The following IL16 variants were observed in gnomAD, a reference collection of about 807,000 sequenced individuals.
The protein encoded by IL16 is pro-interleukin-16.
IL16 carries 67 observed loss-of-function variants against 110.1 expected under a neutral mutation model. The observed-to-expected ratio is 0.61, with a 90% CI of 0.50 to 0.75. IL16 has a LOEUF of 0.75. IL16 is among the 30% of genes least tolerant of loss of function. The pLI is 0.00. For missense variants in IL16, 1,545 were observed against 1,655.0 expected (o/e 0.93, Z 1.15); for synonymous variants, 689 against 662.9 (o/e 1.04, Z -0.61).
At chr15:81,281,162 C>A (rs1053840253) in intron 8 of IL16, among the ~76,000 whole-genome samples, 1 of 152,230 alleles carries the variant, frequency 6.6e-6, no homozygotes, top group African/African-American at 2.4e-5. Context: ...TTACCAAATT[C>A]TTCATCCATA....
At chr15:81,272,404 A>G (rs1898681398) in intron 5 of IL16, among the ~76,000 whole-genome samples, 1 of 152,064 alleles carries the variant, frequency 6.6e-6, no homozygotes. Flanking sequence ...GGCCTTCTCT[A>G]CTGCCTTCTG....
chr15:81,292,778 T>C lies in IL16; in HGVS notation c.1643T>C (p.Leu548Pro). ...DISTHSPSLP[L>P]AREPVVLSIA... The stretch of plus-strand genomic sequence containing the variant: ...AGCACACACAGCCCCAGCTTGCCTC[T>C]GGCACGGGAGCCAGTGGTGCTTTCT... The change falls in exon 12 of 19, where the codon CTG (leucine) becomes CCG (proline). Residue 548 changes from leucine to proline, a missense_variant. Leu to Pro is a moderately conservative substitution (Grantham distance 98, BLOSUM62 -3). Around this residue, in one of 3 missense-constraint regions of IL16, gnomAD observed 1,185 missense variants for 1,238.8 expected, o/e 0.96. Transcript: ENST00000683961. The C allele has an allele frequency of 1.2e-6, 2 of 1,614,154 alleles. No homozygotes were observed. Among genetic ancestry groups the C allele is most frequent in the Non-Finnish European group, 1.7e-6 (2 of 1,180,018 alleles).
chr15:81,188,493 G>C (rs973790838), intron 1 of IL16: 1 of 453,036 alleles, frequency 2.2e-6, no homozygotes, highest in Non-Finnish European at 4.4e-6. Flanking sequence ...GGAAGCTGAT[G>C]CTCAGAAAGA....
intron 1 of IL16, among the ~76,000 whole-genome samples, chr15:81,219,218 G>C (rs1387194926): frequency 6.6e-6 from 1 of 152,112 alleles, no homozygotes; most frequent in Non-Finnish European, 1.5e-5. Context: ...CCTATGTGTA[G>C]CTTTGTGCAG....
chr15:81,240,569 C>G (rs1407952110), intron 2 of IL16, among the ~76,000 whole-genome samples: 1 of 152,142 alleles, frequency 6.6e-6, no homozygotes, highest in Non-Finnish European at 1.5e-5. Context: ...GAAATTGTTT[C>G]TAATTTTAGT....
At chr15:81,201,335 G>A (rs781662301) in intron 1 of IL16, among the ~76,000 whole-genome samples, 2 of 151,974 alleles carry the variant, frequency 1.3e-5, no homozygotes, top group East Asian at 3.9e-4. Flanking sequence ...GACAGCAGTT[G>A]GACCATCAAA....
intron 13 of IL16, among the ~76,000 whole-genome samples, chr15:81,297,783 G>A (rs1900063132): frequency 6.6e-6 from 1 of 152,186 alleles, no homozygotes; most frequent in African/African-American, 2.4e-5. Flanking sequence ...TGTGCTAGAT[G>A]CTGGGGGGAG....
intron 2 of IL16, among the ~76,000 whole-genome samples, chr15:81,257,995 C>T (rs138411619): frequency 6.6e-6 from 1 of 152,128 alleles, no homozygotes; most frequent in Non-Finnish European, 1.5e-5. Context: ...AACACACACA[C>T]AGACACACAC....
Position 81,310,377 on chromosome 15 carries a change from T to G in IL16, c.*1579T>G, listed in dbSNP as rs1363095946. 1 of 152,196 alleles carries G rather than the reference T, an allele frequency of 6.6e-6. No individual in the cohort carries two copies. The highest frequency in any genetic ancestry group is 2.4e-5 in the African/African-American group (1 of 41,430). The allele number at this position is 152,196 out of a possible 1,614,324, so 9.4% of individuals were successfully genotyped here. On this transcript the variant is annotated 3_prime_UTR_variant, in exon 19 of 19. Transcript: ENST00000683961. Reference sequence around the variant, plus strand: ...TTAGTGGCTTCATTAGAGCAGGCGTTCAGCTCACTGTTCTATTCATCTCAA... The same window carrying G: ...TTAGTGGCTTCATTAGAGCAGGCGTGCAGCTCACTGTTCTATTCATCTCAA...
intron 10 of IL16, among the ~76,000 whole-genome samples, chr15:81,288,850 C>CGT (rs1567038471): frequency 2.1e-4 from 17 of 81,408 alleles, no homozygotes; most frequent in East Asian, 1.1e-3. Flanking sequence ...TGTGTGTGTG[C>CGT]GTGTGTGTGT....
At chr15:81,220,301 TTTTTTTG>T (rs1474551325) in intron 1 of IL16, among the ~76,000 whole-genome samples, 7 of 152,180 alleles carry the variant, frequency 4.6e-5, no homozygotes, top group East Asian at 1.9e-4. Flanking sequence ...TGCTGGCTAG[TTTTTTTG>T]TTTTTTGTTT....
At chr15:81,190,143 A>G (rs1054118491) in intron 1 of IL16, among the ~76,000 whole-genome samples, 2 of 152,152 alleles carry the variant, frequency 1.3e-5, no homozygotes, top group South Asian at 4.1e-4. Flanking sequence ...CAAGACCCCA[A>G]ACTGAACACA....
chr15:81,191,208 A>G (rs555307974), intron 1 of IL16, among the ~76,000 whole-genome samples: 6 of 152,338 alleles, frequency 3.9e-5, no homozygotes, highest in African/African-American at 1.2e-4. Flanking sequence ...TCATAACCGG[A>G]GGGTCATGAA....
rs386383603 is a variant in IL16 at position 81,256,332 on chromosome 15, C to CTTTT, written c.313-3424_313-3421dup. Among the ~76,000 whole-genome samples, 135 of 125,752 alleles carry CTTTT rather than the reference C, an allele frequency of 1.1e-3. 3 individuals are homozygous for CTTTT. The highest frequency in any genetic ancestry group is 4.0e-3 in the African/African-American group (127 of 31,988). The allele number at this position is 125,752 out of a possible 152,430, so 82.5% of individuals were successfully genotyped here. A position where few individuals can be genotyped will look rare whatever the true frequency, so the allele number is the denominator to read the frequency against. On this transcript the variant is annotated intron_variant, in intron 2 of 18. Transcript: ENST00000683961. The stretch of plus-strand genomic sequence containing the variant: ...TACCTATGTCACAACTCTTTACAAA[C>CTTTT]TTTTTTTTTTTTTTTTTTTGAGACA...
At chr15:81,203,970 C>A (rs1264733814) in intron 1 of IL16, among the ~76,000 whole-genome samples, 1 of 151,678 alleles carries the variant, frequency 6.6e-6, no homozygotes, top group Non-Finnish European at 1.5e-5. Flanking sequence ...AATGTTCTTC[C>A]ATTTGTTTGT....
intron 12 of IL16, 132 bp downstream of exon 12, chr15:81,293,169 C>T (rs943518145): frequency 5.0e-6 from 5 of 990,982 alleles, no homozygotes; most frequent in Non-Finnish European, 7.3e-6. Flanking sequence ...GAAACTGTTG[C>T]CTAGGACTCA....
chr15:81,303,707 G>A lies in IL16; in HGVS notation c.3420+57G>A. ...CCAGAGGCAATGGTTCTGGGGGAGG[G>A]GGACACACTTGCCAGGAAGGGGCCC... On this transcript the variant is annotated intron_variant, in intron 16 of 18. Coordinates refer to ENST00000683961, the MANE Select transcript of IL16 (RefSeq NM_172217.5). This position sits in a 1 kb window ranked among gnomAD's most constrained non-coding sequence, Gnocchi z 4.1. 8.5e-7 allele frequency: 1 copy of A among 1,177,496 alleles called. No homozygotes were observed. Among genetic ancestry groups the A allele is most frequent in the South Asian group, 1.2e-5 (1 of 81,568 alleles). The allele number at this position is 1,177,496 out of a possible 1,614,324, so 72.9% of individuals were successfully genotyped here. A position where few individuals can be genotyped will look rare whatever the true frequency, so the allele number is the denominator to read the frequency against.
At position 81,275,812 on chromosome 15, in the gene IL16, A is replaced by G. The variant is rs1372013210; in HGVS notation, c.790+2608A>G. ...ATATTTGAATCTTGAATTCAGGGCA[A>G]ATACATTAGTTGCAACAAAAGTTTG... On this transcript the variant is annotated intron_variant, in intron 6 of 18. Coordinates refer to ENST00000683961, the MANE Select transcript of IL16 (RefSeq NM_172217.5). Among the ~76,000 whole-genome samples the G allele has an allele frequency of 2.0e-5, 3 of 152,228 alleles. No homozygotes were observed. In the East Asian group the frequency reaches 5.8e-4, roughly 29 times the overall value.
rs777461989 is a variant in IL16 at position 81,313,325 on chromosome 15, G to A, written c.*4527G>A. ...ACCGGGTCATGCTGCGGGGGAAGAA[G>A]GAGTCCACCACGTTCTGTGGGAGGT... is the stretch of plus-strand genomic sequence containing the variant. On this transcript the variant is annotated 3_prime_UTR_variant, in exon 19 of 19. Transcript: ENST00000683961. 4 of 1,579,142 alleles carry A rather than the reference G, an allele frequency of 2.5e-6. No homozygotes were observed. The highest frequency in any genetic ancestry group is 3.4e-6 in the Non-Finnish European group (4 of 1,162,968).
Sources: gnomAD v4.1 joint callset for allele counts (sites outside exome capture counted in the v4.1 genomes callset) on GRCh38, gnomAD v4.1.1 for gene constraint, gnomAD v4.1.1 regional missense constraint, Gnocchi (gnomAD v3.1) non-coding constraint, MANE v1.5 for transcripts, NCBI Gene and HGNC (gene_info 2026-07-23, HGNC 2026-07-21) for gene names.